Variants in DOT1L observed in about 807,000 individuals in gnomAD.
The protein encoded by DOT1L is DOT1 like histone lysine methyltransferase.
In DOT1L, 33 loss-of-function variants were observed where a neutral mutation model predicts 153.3. That is an observed-to-expected ratio of 0.22 (90% confidence interval 0.16 to 0.29). The LOEUF is 0.29. Among genes scored for constraint, DOT1L ranks in the 10% least tolerant of loss-of-function variants. DOT1L has a pLI of 1.00. For missense variants in DOT1L, 1,847 were observed against 2,119.9 expected (o/e 0.87, Z 2.53); for synonymous variants, 1,135 against 965.1 (o/e 1.18, Z -3.26).
chr19:2,217,211 A>C lies in DOT1L; in HGVS notation c.2544+121A>C. On this transcript the variant is annotated intron_variant, in intron 21 of 27. Transcript: ENST00000398665. This position sits in a 1 kb window ranked among gnomAD's most constrained non-coding sequence, Gnocchi z 7.3. ...GGGGCACGGTGAGGTACTGGGGCTG[A>C]CCTGGAGTAGGATGTTGTGGCAGAG... 7.4e-7 allele frequency: 1 copy of C among 1,343,112 alleles called. No individual in the cohort carries two copies. Among genetic ancestry groups the C allele is most frequent in the Non-Finnish European group, 9.8e-7 (1 of 1,018,544 alleles). The allele number at this position is 1,343,112 out of a possible 1,614,324, so 83.2% of individuals were successfully genotyped here.
chr19:2,217,145 TGAGC>T lies in DOT1L; in HGVS notation c.2544+59_2544+62del. On this transcript the variant is annotated intron_variant, in intron 21 of 27. Transcript: ENST00000398665. The surrounding 1 kb of genome is among the most constrained non-coding windows in gnomAD (Gnocchi z 7.3). Reference sequence around the variant, plus strand: ...AGGGAGGTGCTCAGCAGAGGCGGCCTGAGCGAGTTGCTAGCAGGAGGGCTTGTCC... The same window carrying T: ...AGGGAGGTGCTCAGCAGAGGCGGCCTGAGTTGCTAGCAGGAGGGCTTGTCC... The T allele has an allele frequency of 6.6e-7, 1 of 1,507,380 alleles. No homozygotes were observed. Among genetic ancestry groups the T allele is most frequent in the East Asian group, 2.3e-5 (1 of 43,050 alleles). 93.4% of individuals were successfully genotyped at this position (1,507,380 alleles called of 1,614,324 possible). A position where few individuals can be genotyped will look rare whatever the true frequency, so the allele number is the denominator to read the frequency against.
At position 2,220,087 on chromosome 19, in the gene DOT1L, C is replaced by A; in HGVS notation, c.2692-21C>A. ...CCTGGGGCACCTGCTGCCCCTGACA[C>A]ACAGGGTTTTCTCTCTGCAGAGGAG... On this transcript the variant is annotated intron_variant, in intron 22 of 27. Transcript: ENST00000398665. The surrounding 1 kb of genome is among the most constrained non-coding windows in gnomAD (Gnocchi z 4.5). 1.3e-6 allele frequency: 2 copies of A among 1,584,686 alleles called. No individual in the cohort carries two copies. The highest frequency in any genetic ancestry group is 1.3e-5 in the African/African-American group (1 of 74,530).
chr19:2,212,012 G>C (rs1019074916), intron 16 of DOT1L, 170 bp downstream of exon 16: 7 of 615,920 alleles, frequency 1.1e-5, no homozygotes, highest in Non-Finnish European at 1.9e-5. Context: ...CCAAAGAATG[G>C]ACTGAGAGAC....
intron 12 of DOT1L, 89 bp downstream of exon 12, chr19:2,209,065 CCACGACTGGAG>C (rs1482338797): frequency 1.4e-6 from 2 of 1,461,700 alleles, no homozygotes; most frequent in Admixed American, 4.0e-5. Flanking sequence ...GGTTCAGGAG[CCACGACTGGAG>C]CACAGCCCTG....
At position 2,208,482 on chromosome 19, in the gene DOT1L, G is replaced by T. The variant is rs1295321215; in HGVS notation, c.964-453G>T. Among the ~76,000 whole-genome samples, 3 of 152,298 alleles carry T rather than the reference G, an allele frequency of 2.0e-5. No individual in the cohort carries two copies. The East Asian group carries it at 5.8e-4, about 29-fold the overall frequency. On this transcript the variant is annotated intron_variant, in intron 11 of 27. Transcript: ENST00000398665. The surrounding 1 kb of genome is among the most constrained non-coding windows in gnomAD (Gnocchi z 4.4). ...CTCCCCCGAGGGCCCTGGGACGAGA[G>T]GCATGGTGAGCTGAGGCTGAGGCTC...
chr19:2,172,973 T>C (rs1306846441), intron 1 of DOT1L, among the ~76,000 whole-genome samples: 1 of 145,076 alleles, frequency 6.9e-6, no homozygotes. Context: ...CGAGACTCCA[T>C]CTCAAAAAAA....
At chr19:2,187,660 C>T (rs1244603415) in intron 3 of DOT1L, among the ~76,000 whole-genome samples, 1 of 152,138 alleles carries the variant, frequency 6.6e-6, no homozygotes, top group Non-Finnish European at 1.5e-5. Context: ...CCGTGGCTCA[C>T]ACCTGTAATC....
chr19:2,222,588 A>AGC lies in DOT1L; in HGVS notation c.3390+33_3390+34dup, dbSNP rs762666341. 26 of 1,505,810 alleles carry AGC rather than the reference A, an allele frequency of 1.7e-5. No individual in the cohort carries two copies. Among genetic ancestry groups the AGC allele is most frequent in the Non-Finnish European group, 2.3e-5 (26 of 1,132,262 alleles). The allele number at this position is 1,505,810 out of a possible 1,614,324, so 93.3% of individuals were successfully genotyped here. On this transcript the variant is annotated intron_variant, in intron 24 of 27. Coordinates refer to ENST00000398665, the MANE Select transcript of DOT1L (RefSeq NM_032482.3). This position sits in a 1 kb window ranked among gnomAD's most constrained non-coding sequence, Gnocchi z 6.5. Reference sequence around the variant, plus strand: ...AGGATGGGGACCGGCAGGGCTGGGGAGCGCGGCCTGTGAAAGAAAGACCAG... The same window carrying AGC: ...AGGATGGGGACCGGCAGGGCTGGGGAGCGCGCGGCCTGTGAAAGAAAGACCAG...
chr19:2,172,079 C>T (rs1397541366), intron 1 of DOT1L, among the ~76,000 whole-genome samples: 1 of 152,148 alleles, frequency 6.6e-6, no homozygotes, highest in African/African-American at 2.4e-5. Flanking sequence ...GAAAGAAGGC[C>T]CTGGGAGGGA....
intron 9 of DOT1L, among the ~76,000 whole-genome samples, chr19:2,203,670 G>A (rs374991310): frequency 2.6e-5 from 4 of 152,198 alleles, no homozygotes; most frequent in Admixed American, 1.3e-4. Flanking sequence ...TCCTGCAGTC[G>A]AGGGTGGTAC....
rs2022768896 is a variant in DOT1L, at chr19:2,190,955, T to A, written c.265-57T>A. The A allele has an allele frequency of 6.6e-6, 9 of 1,356,948 alleles. No homozygotes were observed. In the East Asian group the frequency reaches 1.8e-4, roughly 26 times the overall value. 84.1% of individuals were successfully genotyped at this position (1,356,948 alleles called of 1,614,324 possible). Reference sequence around the variant, plus strand: ...TGGGAAAGGTCCCGGGTCTTGGTGGTGGAGGGGCTGGGCCGTGAGGTTTAT... The same window carrying A: ...TGGGAAAGGTCCCGGGTCTTGGTGGAGGAGGGGCTGGGCCGTGAGGTTTAT... On this transcript the variant is annotated intron_variant, in intron 4 of 27. Transcript: ENST00000398665. The surrounding 1 kb of genome is among the most constrained non-coding windows in gnomAD (Gnocchi z 4.8).
intron 24 of DOT1L, 25 bp from the exon 25 acceptor site, chr19:2,223,256 A>G (rs767841352): frequency 1.4e-5 from 23 of 1,611,996 alleles, no homozygotes; most frequent in Non-Finnish European, 1.8e-5. Flanking sequence ...TGGTATGTGC[A>G]TCCATTGTGT....
Position 2,227,078 on chromosome 19 carries a change from C to T in DOT1L, c.4557C>T (p.Asn1519=), listed in dbSNP as rs1166370435. ...CGTCCGCTGCCACCAGACTGACCAA[C>T]TCGCACGCCATGGGCAGCTTTTCCG... ...HVSSAATRLT[N]SHAMGSFSGV... is the part of the protein sequence containing the mutation. The change falls in exon 27 of 28, where the codon AAC becomes AAT. Residue 1519 remains asparagine, a synonymous_variant. Transcript: ENST00000398665. 21 of 1,566,402 alleles carry T rather than the reference C, an allele frequency of 1.3e-5. No homozygotes were observed. Among genetic ancestry groups the T allele is most frequent in the Admixed American group, 1.8e-5 (1 of 55,834 alleles).
chr19:2,220,475 T>C lies in DOT1L; in HGVS notation c.2806+253T>C. On this transcript the variant is annotated intron_variant, in intron 23 of 27. Transcript: ENST00000398665. This position sits in a 1 kb window ranked among gnomAD's most constrained non-coding sequence, Gnocchi z 4.5. ...ACTGACACCTCCTGCTTGGGTGTAT[T>C]AATTCAGCCCGTGAGGTCGGCCCCA... is the stretch of plus-strand genomic sequence containing the variant. 1.7e-6 allele frequency: 1 copy of C among 605,388 alleles called. No homozygotes were observed. The highest frequency in any genetic ancestry group is 3.1e-6 in the Non-Finnish European group (1 of 322,642). The allele number at this position is 605,388 out of a possible 1,614,324, so 37.5% of individuals were successfully genotyped here.
chr19:2,184,768 C>T (rs1160598695), intron 2 of DOT1L, among the ~76,000 whole-genome samples: 2 of 152,218 alleles, frequency 1.3e-5, no homozygotes, highest in African/African-American at 2.4e-5. Context: ...CTCAGATCTC[C>T]GTCCTTGTTC....
rs778209351 is a variant in DOT1L at position 2,227,372 on chromosome 19, G to A, written c.4606+245G>A. 49 of 716,224 alleles carry A rather than the reference G, an allele frequency of 6.8e-5. 1 individual carries two copies. The highest frequency in any genetic ancestry group is 6.4e-4 in the South Asian group (43 of 66,872). 44.4% of individuals were successfully genotyped at this position (716,224 alleles called of 1,614,324 possible). ...TCCCTCTTGTTTTCAGAAGGCCACC[G>A]TGCGCAGGGCCACCAGAGCATTACT... On this transcript the variant is annotated intron_variant, in intron 27 of 27. Coordinates refer to ENST00000398665, the MANE Select transcript of DOT1L (RefSeq NM_032482.3).
chr19:2,224,790 T>C (rs1446136909), intron 25 of DOT1L, among the ~76,000 whole-genome samples: 1 of 152,260 alleles, frequency 6.6e-6, no homozygotes, highest in African/African-American at 2.4e-5. Flanking sequence ...TAGTTCGTTC[T>C]GCTCCTTGCC....
intron 2 of DOT1L, among the ~76,000 whole-genome samples, chr19:2,182,410 G>A (rs1289975050): frequency 6.6e-6 from 1 of 152,142 alleles, no homozygotes; most frequent in East Asian, 1.9e-4. Context: ...GCATGGTGGT[G>A]CACACCTGTG....
intron 27 of DOT1L, chr19:2,229,250 G>C: frequency 1.0e-6 from 1 of 985,452 alleles, no homozygotes; most frequent in South Asian, 4.7e-5. Context: ...AGGGCAGTTG[G>C]CCACCCGTGC....
Sources: gnomAD v4.1 joint callset for allele counts (sites outside exome capture counted in the v4.1 genomes callset) on GRCh38, gnomAD v4.1.1 for gene constraint, Gnocchi (gnomAD v3.1) non-coding constraint, MANE v1.5 for transcripts, NCBI Gene and HGNC (gene_info 2026-07-23, HGNC 2026-07-21) for gene names.